TMEM266: variants seen among roughly 807,000 people sequenced by gnomAD.
TMEM266 encodes Hv1 related protein 1.
A neutral mutation model predicts 50.5 loss-of-function variants in TMEM266; 33 were observed. That is an observed-to-expected ratio of 0.65 (90% CI 0.50 to 0.87). TMEM266 has a LOEUF of 0.87. Ranked by LOEUF, TMEM266 falls within the 40% of genes least tolerant of loss-of-function variation. TMEM266 has a pLI of 0.00. For missense variants in TMEM266, 655 were observed against 695.1 expected (o/e 0.94, Z 0.65); for synonymous variants, 310 against 292.3 (o/e 1.06, Z -0.62).
chr15:76,195,643 T>A (rs780226081), intron 9 of TMEM266, among the ~76,000 whole-genome samples: 4 of 152,208 alleles, frequency 2.6e-5, no homozygotes, highest in Non-Finnish European at 5.9e-5. Flanking sequence ...GCACCTCAAC[T>A]CACCTGGGGC....
At chr15:76,150,364 C>T (rs2037819992) in intron 3 of TMEM266, among the ~76,000 whole-genome samples, 1 of 152,200 alleles carries the variant, frequency 6.6e-6, no homozygotes, top group African/African-American at 2.4e-5. Flanking sequence ...TTTTGATCAC[C>T]TCCCTCAGCT....
chr15:76,196,705 G>A (rs2038662270), intron 9 of TMEM266, among the ~76,000 whole-genome samples: 1 of 152,148 alleles, frequency 6.6e-6, no homozygotes, highest in Non-Finnish European at 1.5e-5. Context: ...GTGTTTTGCA[G>A]GGTGGGGGAG....
chr15:76,152,037 G>T (rs1217809881), intron 3 of TMEM266, among the ~76,000 whole-genome samples: 2 of 152,170 alleles, frequency 1.3e-5, no homozygotes, highest in Admixed American at 1.3e-4. Context: ...CTAGTGTGCA[G>T]CTGGGCTGAG....
At chr15:76,148,734 A>AC (rs59424924) in intron 3 of TMEM266, among the ~76,000 whole-genome samples, 142,981 of 146,160 alleles carry the variant, frequency 0.98, 69,901 homozygotes, top group Middle Eastern at 0.99. Context: ...TTCACCCCCC[A>AC]CCTGAGCTCT....
At chr15:76,196,023 A>G (rs945301313) in intron 9 of TMEM266, among the ~76,000 whole-genome samples, 9 of 152,212 alleles carry the variant, frequency 5.9e-5, no homozygotes, top group Non-Finnish European at 1.0e-4. Flanking sequence ...GAAGGGAGAA[A>G]GCAGGTCAGA....
rs2037870650 is a variant in TMEM266 at position 76,153,182 on chromosome 15, T to C, written c.228-3422T>C. Among the ~76,000 whole-genome samples, 1 of 152,094 alleles carries C rather than the reference T, an allele frequency of 6.6e-6. No individual in the cohort carries two copies. Among genetic ancestry groups the C allele is most frequent in the South Asian group, 2.1e-4 (1 of 4,828 alleles). On this transcript the variant is annotated intron_variant, in intron 3 of 10. Transcript: ENST00000388942. The surrounding 1 kb of genome is among the most constrained non-coding windows in gnomAD (Gnocchi z 4.2). ...CGACATTTTAAACAGCAATATAAAT[T>C]GGCTTTTCCTCCCTTGGAGGCAGGT...
chr15:76,065,381 C>T (rs555786675), intron 1 of TMEM266, among the ~76,000 whole-genome samples: 4 of 152,008 alleles, frequency 2.6e-5, no homozygotes, highest in Admixed American at 6.6e-5. Flanking sequence ...ATGGCTGTTT[C>T]TCAGATTTCG....
intron 9 of TMEM266, among the ~76,000 whole-genome samples, chr15:76,197,934 C>T (rs117051434): frequency 1.2e-4 from 18 of 152,332 alleles, no homozygotes; most frequent in Non-Finnish European, 2.4e-4. Context: ...TGAGCATTGG[C>T]ACCGCTGCAC....
rs944201946 is a variant in TMEM266, at chr15:76,160,633, G to A, written c.456+465G>A. Among the ~76,000 whole-genome samples the A allele has an allele frequency of 1.3e-5, 2 of 152,296 alleles. No individual in the cohort carries two copies. The highest frequency in any genetic ancestry group is 6.5e-5 in the Admixed American group (1 of 15,304). On this transcript the variant is annotated intron_variant, in intron 5 of 10. Transcript: ENST00000388942. The surrounding 1 kb of genome is among the most constrained non-coding windows in gnomAD (Gnocchi z 5.7). ...AAGCACGCAGTGGGTGGGGGAACGGGGTCACAGGGCCAGGCAGTGGACCTG... is the reference window on the plus strand; with the variant it reads ...AAGCACGCAGTGGGTGGGGGAACGGAGTCACAGGGCCAGGCAGTGGACCTG...
intron 1 of TMEM266, among the ~76,000 whole-genome samples, chr15:76,089,864 T>G (rs552557312): frequency 6.6e-6 from 1 of 152,062 alleles, no homozygotes; most frequent in South Asian, 2.1e-4. Context: ...TCTGAGAGAT[T>G]TGAGAGGATT....
intron 1 of TMEM266, among the ~76,000 whole-genome samples, chr15:76,107,892 T>C (rs902310210): frequency 1.1e-4 from 17 of 152,334 alleles, no homozygotes; most frequent in Middle Eastern, 3.4e-3. Context: ...CAAGAAACCA[T>C]AGGAGTTCAA....
chr15:76,084,081 G>A (rs2036735592), intron 1 of TMEM266, among the ~76,000 whole-genome samples: 1 of 152,130 alleles, frequency 6.6e-6, no homozygotes, highest in Non-Finnish European at 1.5e-5. Flanking sequence ...GGTTGTCTGA[G>A]GCAGGTGGAT....
chr15:76,097,554 G>A (rs1157764904), intron 1 of TMEM266, among the ~76,000 whole-genome samples: 1 of 151,924 alleles, frequency 6.6e-6, no homozygotes, highest in Non-Finnish European at 1.5e-5. Flanking sequence ...CAACCTTGGT[G>A]AATCTGACGA....
At chr15:76,189,237 G>GAGGAAGGGAAGGAGGGA (rs1254953928) in intron 8 of TMEM266, among the ~76,000 whole-genome samples, 2 of 151,678 alleles carry the variant, frequency 1.3e-5, no homozygotes, top group African/African-American at 4.9e-5. Context: ...AGGAGAGAGG[G>GAGGAAGGGAAGGAGGGA]AGGAAGGGAA....
At chr15:76,142,195 C>T (rs2037689981) in intron 3 of TMEM266, among the ~76,000 whole-genome samples, 1 of 152,182 alleles carries the variant, frequency 6.6e-6, no homozygotes, top group Non-Finnish European at 1.5e-5. Context: ...TCAAGAGCAG[C>T]CTGGCCAACA....
rs1209436731 is a variant in TMEM266 at position 76,169,888 on chromosome 15, C to T, written c.513+16C>T. ...CAAAATAGAGGTAAAGACCAATGTCCACCCCCAAAGCCCCCACTCTGCCAT... is the reference window on the plus strand; with the variant it reads ...CAAAATAGAGGTAAAGACCAATGTCTACCCCCAAAGCCCCCACTCTGCCAT... On this transcript the variant is annotated intron_variant, in intron 6 of 10. Transcript: ENST00000388942. 3 of 1,611,300 alleles carry T rather than the reference C, an allele frequency of 1.9e-6. No individual in the cohort carries two copies. The highest frequency in any genetic ancestry group is 3.3e-5 in the Admixed American group (2 of 60,008).
intron 1 of TMEM266, among the ~76,000 whole-genome samples, chr15:76,069,125 G>A (rs1159699814): frequency 1.3e-5 from 2 of 152,128 alleles, no homozygotes; most frequent in African/African-American, 2.4e-5. Flanking sequence ...GATAGTTTAA[G>A]TTTTCAAACT....
At chr15:76,080,105 G>A (rs571914077) in intron 1 of TMEM266, among the ~76,000 whole-genome samples, 82 of 151,152 alleles carry the variant, frequency 5.4e-4, no homozygotes, top group Non-Finnish European at 1.1e-3. Context: ...GGTTGCTCAC[G>A]CTTGTAGTCC....
At chr15:76,071,076 A>G (rs1330381606) in intron 1 of TMEM266, among the ~76,000 whole-genome samples, 1 of 152,182 alleles carries the variant, frequency 6.6e-6, no homozygotes, top group Non-Finnish European at 1.5e-5. Context: ...TCTATATGAT[A>G]AAGGGGGTTG....
Sources: allele counts gnomAD v4.1 joint callset (sites outside exome capture counted in the v4.1 genomes callset), GRCh38; gene constraint gnomAD v4.1.1; non-coding constraint Gnocchi (gnomAD v3.1); transcripts MANE v1.5; gene names NCBI Gene and HGNC (gene_info 2026-07-23, HGNC 2026-07-21).